Variants in CBFA2T3 observed in about 807,000 individuals in gnomAD.
CBFA2T3 encodes the protein CBFA2/RUNX1 partner transcriptional co-repressor 3.
Under a neutral mutation model 58.6 loss-of-function variants are expected in CBFA2T3, and 31 were observed. The observed-to-expected ratio is 0.53, with a 90% CI of 0.40 to 0.71. The LOEUF is 0.71. Among genes scored for constraint, CBFA2T3 ranks in the 30% least tolerant of loss-of-function variants. CBFA2T3 has a pLI of 0.00. For missense variants in CBFA2T3, 1,076 were observed against 963.1 expected (o/e 1.12, Z -1.55); for synonymous variants, 531 against 421.9 (o/e 1.26, Z -3.17).
chr16:88,891,639 C>T (rs533828939), intron 5 of CBFA2T3, among the ~76,000 whole-genome samples: 1 of 152,338 alleles, frequency 6.6e-6, no homozygotes, highest in Non-Finnish European at 1.5e-5. Context: ...ATCATCCGGT[C>T]TGGCAACTAA....
chr16:88,901,126 A>G (rs1409685077), intron 2 of CBFA2T3, among the ~76,000 whole-genome samples: 1 of 152,244 alleles, frequency 6.6e-6, no homozygotes, highest in East Asian at 1.9e-4. Flanking sequence ...TTCTCTCTGG[A>G]TGAGCCTGGC....
chr16:88,890,200 C>G (rs1969571445), intron 5 of CBFA2T3, among the ~76,000 whole-genome samples: 1 of 152,180 alleles, frequency 6.6e-6, no homozygotes, highest in Non-Finnish European at 1.5e-5. Context: ...TTCCCCTGAG[C>G]CCGGGAGTGA....
chr16:88,959,464 C>A (rs1382857853), intron 1 of CBFA2T3, among the ~76,000 whole-genome samples: 1 of 152,196 alleles, frequency 6.6e-6, no homozygotes, highest in East Asian at 1.9e-4. Context: ...AGGCAGCACC[C>A]AGCGCTTACA....
chr16:88,950,534 AC>A, intron 1 of CBFA2T3: 1 of 401,832 alleles, frequency 2.5e-6, no homozygotes, highest in Middle Eastern at 3.5e-4. Flanking sequence ...GGGTCAGTTC[AC>A]CCGTCCCCTG....
chr16:88,947,145 C>G (rs1048074422), intron 1 of CBFA2T3, among the ~76,000 whole-genome samples: 3 of 152,218 alleles, frequency 2.0e-5, no homozygotes, highest in African/African-American at 7.2e-5. Context: ...ATGTATCACA[C>G]CAGTGCCAGG....
chr16:88,905,609 G>A (rs1190712770), intron 1 of CBFA2T3, among the ~76,000 whole-genome samples: 1 of 150,870 alleles, frequency 6.6e-6, no homozygotes, highest in African/African-American at 2.4e-5. Flanking sequence ...GGGGCTGGAG[G>A]AGAGCAAAGA....
chr16:88,882,673 C>G lies in CBFA2T3; in HGVS notation c.1203+3G>C. On this transcript the variant is annotated splice_donor_region_variant and intron_variant, in intron 8 of 11. Transcript: ENST00000268679. ...GTGGGCGTGGCTGTGTGTGGACACT[C>G]ACGTTGTTGAGGTGCTTCCACTCTT... is the stretch of plus-strand genomic sequence containing the variant. 1 of 1,571,648 alleles carries G rather than the reference C, an allele frequency of 6.4e-7. No individual in the cohort carries two copies. The highest frequency in any genetic ancestry group is 8.6e-7 in the Non-Finnish European group (1 of 1,156,144).
intron 1 of CBFA2T3, among the ~76,000 whole-genome samples, chr16:88,964,586 C>T (rs991634864): frequency 3.9e-5 from 6 of 152,208 alleles, no homozygotes; most frequent in Non-Finnish European, 7.3e-5. Context: ...CTGGGCTGCC[C>T]GACTGGCTCC....
chr16:88,971,868 T>C (rs1207091791), intron 1 of CBFA2T3, among the ~76,000 whole-genome samples: 1 of 152,164 alleles, frequency 6.6e-6, no homozygotes, highest in Non-Finnish European at 1.5e-5. Context: ...TCAACTGCAG[T>C]CACGGAAGTG....
intron 1 of CBFA2T3, among the ~76,000 whole-genome samples, chr16:88,975,147 GT>G (rs1972784851): frequency 4.8e-5 from 4 of 83,810 alleles, no homozygotes; most frequent in Non-Finnish European, 9.4e-5. Flanking sequence ...CTGCAGCCAT[GT>G]CAGAGGTCCA....
intron 1 of CBFA2T3, among the ~76,000 whole-genome samples, chr16:88,917,367 G>A (rs1970772186): frequency 6.6e-6 from 1 of 151,988 alleles, no homozygotes; most frequent in African/African-American, 2.4e-5. Context: ...GCCTGCCCCG[G>A]GGAGGGCACA....
chr16:88,921,932 C>T (rs191321683), intron 1 of CBFA2T3, among the ~76,000 whole-genome samples: 47 of 152,348 alleles, frequency 3.1e-4, no homozygotes, highest in African/African-American at 1.0e-3. Flanking sequence ...GACCTCTCTG[C>T]GCGGCGCATT....
chr16:88,882,653 C>T (rs781121395), intron 8 of CBFA2T3, 23 bp downstream of exon 8: 11 of 1,498,708 alleles, frequency 7.3e-6, no homozygotes, highest in East Asian at 2.4e-5. Context: ...GCTGTGTGGG[C>T]GTGGCTGTGT....
intron 1 of CBFA2T3, chr16:88,957,536 C>T (rs367589559): frequency 2.4e-4 from 37 of 152,332 alleles, no homozygotes; most frequent in African/African-American, 8.7e-4. Flanking sequence ...CTTGCTGACC[C>T]CCACACCTGT....
chr16:88,921,510 C>T (rs1970919169), intron 1 of CBFA2T3, among the ~76,000 whole-genome samples: 1 of 151,070 alleles, frequency 6.6e-6, no homozygotes, highest in Non-Finnish European at 1.5e-5. Context: ...CCCGGGATCT[C>T]CCTGGGTGGG....
intron 1 of CBFA2T3, among the ~76,000 whole-genome samples, chr16:88,957,222 T>G (rs1390948350): frequency 6.6e-6 from 1 of 152,228 alleles, no homozygotes; most frequent in Non-Finnish European, 1.5e-5. Context: ...CACCAAATGC[T>G]GCCGGTGGTT....
intron 1 of CBFA2T3, among the ~76,000 whole-genome samples, chr16:88,960,674 T>C (rs893025905): frequency 7.2e-5 from 11 of 152,198 alleles, no homozygotes; most frequent in African/African-American, 2.7e-4. Flanking sequence ...AGCAAGAGGA[T>C]AGTGAAGCTG....
chr16:88,888,010 C>T (rs914061057), intron 5 of CBFA2T3, among the ~76,000 whole-genome samples: 1 of 152,200 alleles, frequency 6.6e-6, no homozygotes, highest in African/African-American at 2.4e-5. Flanking sequence ...TTGGGCTGGT[C>T]ATTTAACCTC....
intron 3 of CBFA2T3, 21 bp from the exon 4 acceptor site, chr16:88,892,506 T>A (rs780661950): frequency 1.2e-6 from 2 of 1,609,478 alleles, no homozygotes; most frequent in Non-Finnish European, 1.7e-6. Flanking sequence ...GAAGCGGACA[T>A]GAGGACACAA....
Sources: gnomAD v4.1 joint callset for allele counts (sites outside exome capture counted in the v4.1 genomes callset) on GRCh38, gnomAD v4.1.1 for gene constraint, MANE v1.5 for transcripts, NCBI Gene and HGNC (gene_info 2026-07-23, HGNC 2026-07-21) for gene names.